The following CDH23 variants were observed in gnomAD, a reference collection of about 807,000 sequenced individuals.
The protein encoded by CDH23 is cadherin related 23, also known as cadherin-23.
A neutral mutation model predicts 317.1 loss-of-function variants in CDH23; 189 were observed. That is an observed-to-expected ratio of 0.60 (90% CI 0.53 to 0.67). CDH23 has a LOEUF of 0.67. Ranked by LOEUF, CDH23 falls within the 30% of genes least tolerant of loss-of-function variation. CDH23 has a pLI of 0.00. For missense variants in CDH23, 4,401 were observed against 4,592.4 expected, an observed-to-expected ratio of 0.96 and a Z score of 1.20; for synonymous variants, 1,839 against 1,876.8, an observed-to-expected ratio of 0.98 and a Z score of 0.52.
At position 71,424,050 on chromosome 10, in the gene CDH23, C is replaced by T. The variant is rs72812367; in HGVS notation, c.-5-15777C>T. On this transcript the variant is annotated intron_variant, in intron 1 of 69. Transcript: ENST00000224721. ...ACTGGGAAGAGGCAAGGCAAGAGGA[C>T]GCTTGGGTGGACTGGACACGCATCG... Among the ~76,000 whole-genome samples the T allele has an allele frequency of 2.7e-3, 406 of 152,370 alleles. 2 individuals are homozygous for T. The highest frequency in any genetic ancestry group is 3.8e-3 in the Non-Finnish European group (261 of 68,036).
intron 16 of CDH23, among the ~76,000 whole-genome samples, 182 bp from the exon 17 acceptor site, chr10:71,679,205 C>G (rs1012998457): frequency 6.6e-6 from 1 of 152,170 alleles, no homozygotes; most frequent in African/African-American, 2.4e-5. Flanking sequence ...CAGAGTGCGG[C>G]CTCCAGTTGA....
intron 6 of CDH23, among the ~76,000 whole-genome samples, chr10:71,527,615 T>G (rs368083200): frequency 6.6e-6 from 1 of 152,320 alleles, no homozygotes; most frequent in East Asian, 1.9e-4. Flanking sequence ...GCTTCTCCCA[T>G]GCCTGGGGTG....
chr10:71,643,463 C>T (rs1862664317), intron 11 of CDH23, among the ~76,000 whole-genome samples: 1 of 152,114 alleles, frequency 6.6e-6, no homozygotes, highest in African/African-American at 2.4e-5. Context: ...ATCCAGGCTC[C>T]AGGGATGTAG....
chr10:71,546,038 C>A (rs1286224319), intron 6 of CDH23, among the ~76,000 whole-genome samples: 1 of 152,112 alleles, frequency 6.6e-6, no homozygotes, highest in East Asian at 1.9e-4. Flanking sequence ...CCAAGTTTGC[C>A]CATCCAAGGA....
At chr10:71,641,953 G>C (rs1405622082) in intron 11 of CDH23, among the ~76,000 whole-genome samples, 1 of 152,048 alleles carries the variant, frequency 6.6e-6, no homozygotes, top group African/African-American at 2.4e-5. Flanking sequence ...AAAATTAGCC[G>C]GGCATGGTGG....
intron 6 of CDH23, among the ~76,000 whole-genome samples, chr10:71,563,027 G>C (rs1006645913): frequency 6.6e-6 from 1 of 152,220 alleles, no homozygotes; most frequent in African/African-American, 2.4e-5. Context: ...CCATCACCTA[G>C]AGCAGAGCTG....
chr10:71,699,770 T>G (rs756640280), intron 22 of CDH23, among the ~76,000 whole-genome samples: 1 of 152,038 alleles, frequency 6.6e-6, no homozygotes, highest in Non-Finnish European at 1.5e-5. Flanking sequence ...AGTGGTGAGA[T>G]TCTACAAAAT....
chr10:71,772,866 C>A (rs891725054), intron 38 of CDH23, among the ~76,000 whole-genome samples: 2 of 152,164 alleles, frequency 1.3e-5, no homozygotes, highest in South Asian at 2.1e-4. Context: ...CCAGTGCCCA[C>A]CAAGGCTCAG....
chr10:71,500,759 GTTTTCTTTTCTTTTCTTTTC>G lies in CDH23; in HGVS notation c.146-9281_146-9262del, dbSNP rs56124966. ...TAGGTCACTTTACCCCTCTGAGCCT[GTTTTCTTTTCTTTTCTTTTC>G]TTTTCTTTTCTTTTCTTTTCTTTTC... On this transcript the variant is annotated intron_variant, in intron 3 of 69. Coordinates refer to ENST00000224721, the MANE Select transcript of CDH23 (RefSeq NM_022124.6). Among the ~76,000 whole-genome samples the G allele has an allele frequency of 3.7e-3, 498 of 134,614 alleles. 3 individuals carry two copies. Among genetic ancestry groups the G allele is most frequent in the African/African-American group, 8.4e-3 (304 of 36,114 alleles). 88.3% of individuals were successfully genotyped at this position (134,614 alleles called of 152,430 possible).
At chr10:71,785,783 C>A in intron 44 of CDH23, 45 bp downstream of exon 44, 1 of 1,202,354 alleles carries the variant, frequency 8.3e-7, no homozygotes. Flanking sequence ...GAGCTAGAGG[C>A]GCATGGAGAG....
intron 38 of CDH23, among the ~76,000 whole-genome samples, chr10:71,744,617 CCT>C: frequency 6.6e-6 from 1 of 152,214 alleles, no homozygotes; most frequent in African/African-American, 2.4e-5. Flanking sequence ...CATGTCAGCC[CCT>C]GACATTCTGG....
intron 38 of CDH23, chr10:71,754,996 C>T (rs1014521287): frequency 2.3e-6 from 1 of 437,044 alleles, no homozygotes; most frequent in African/African-American, 2.0e-5. Flanking sequence ...CTACTAATTA[C>T]AAAACAAGCA....
chr10:71,626,463 C>T (rs1163059401), intron 11 of CDH23, among the ~76,000 whole-genome samples: 1 of 152,138 alleles, frequency 6.6e-6, no homozygotes, highest in Non-Finnish European at 1.5e-5. Context: ...GTCCCTTTTC[C>T]AGCTCTGGAC....
chr10:71,631,706 C>G (rs1862021436), intron 11 of CDH23, among the ~76,000 whole-genome samples: 1 of 152,222 alleles, frequency 6.6e-6, no homozygotes. Context: ...CTCCAGAGCC[C>G]TCCTCTTGCA....
At chr10:71,616,741 C>T (rs1242749059) in intron 10 of CDH23, among the ~76,000 whole-genome samples, 1 of 152,208 alleles carries the variant, frequency 6.6e-6, no homozygotes, top group Non-Finnish European at 1.5e-5. Flanking sequence ...TGAATCAGTC[C>T]ATCTGTGCTG....
intron 48 of CDH23, 99 bp downstream of exon 48, chr10:71,793,739 T>G: frequency 1.1e-6 from 1 of 896,348 alleles, no homozygotes; most frequent in Non-Finnish European, 1.7e-6. Context: ...TTCTTTGCTG[T>G]TCCCTTGCTA....
At position 71,405,718 on chromosome 10, in the gene CDH23, A is replaced by G. The variant is rs189225329; in HGVS notation, c.-6+8400A>G. Among the ~76,000 whole-genome samples, 1,334 of 152,278 alleles carry G rather than the reference A, an allele frequency of 8.8e-3. 23 individuals are homozygous for G. The highest frequency in any genetic ancestry group is 0.031 in the African/African-American group (1,279 of 41,568). ...CTCCCAAAGTGCTGGGATTATAGGC[A>G]TGAGCCATCGTGCCCAGCCACGGAT... is the stretch of plus-strand genomic sequence containing the variant. On this transcript the variant is annotated intron_variant, in intron 1 of 69. Transcript: ENST00000224721.
intron 9 of CDH23, among the ~76,000 whole-genome samples, chr10:71,601,576 T>A (rs1360130951): frequency 2.6e-5 from 4 of 152,136 alleles, no homozygotes; most frequent in African/African-American, 9.7e-5. Flanking sequence ...TCCCATGGCA[T>A]CTTAAAACTG....
chr10:71,785,118 C>A lies in CDH23; in HGVS notation c.5712+18C>A. The A allele has an allele frequency of 6.3e-7, 1 of 1,598,300 alleles. No individual in the cohort carries two copies. ...ATGCCACGGTAGGGCCTAGACTGAC[C>A]CCAGGGAGCTTCCCAGGGTTTCCAG... On this transcript the variant is annotated intron_variant, in intron 43 of 69. Coordinates refer to ENST00000224721, the MANE Select transcript of CDH23 (RefSeq NM_022124.6).
Sources: allele counts gnomAD v4.1 joint callset (sites outside exome capture counted in the v4.1 genomes callset), GRCh38; gene constraint gnomAD v4.1.1; transcripts MANE v1.5; gene names NCBI Gene and HGNC (gene_info 2026-07-23, HGNC 2026-07-21).